Variants in JAKMIP2 observed in about 807,000 individuals in gnomAD.
The protein encoded by JAKMIP2 is janus kinase and microtubule-interacting protein 2.
A neutral mutation model predicts 115.0 loss-of-function variants in JAKMIP2; 25 were observed. The observed-to-expected ratio is 0.22, with a 90% confidence interval of 0.16 to 0.30. The LOEUF (loss-of-function observed/expected upper bound fraction) is 0.30, where lower values mean the gene tolerates loss of function less well. Ranked by LOEUF, JAKMIP2 falls within the 10% of genes least tolerant of loss-of-function variation. The pLI is 1.00. For synonymous variants in JAKMIP2, 334 were observed against 343.6 expected (o/e 0.97, Z 0.31); for missense variants, 642 against 957.6 (o/e 0.67, Z 4.35).
chr5:147,754,234 C>T (rs1754663801), intron 1 of JAKMIP2, among the ~76,000 whole-genome samples: 1 of 152,036 alleles, frequency 6.6e-6, no homozygotes, highest in African/African-American at 2.4e-5. Flanking sequence ...CAAGGAGAAA[C>T]ATTTAAAGCA....
chr5:147,774,939 G>A (rs1244249075), intron 1 of JAKMIP2, among the ~76,000 whole-genome samples: 2 of 152,054 alleles, frequency 1.3e-5, no homozygotes, highest in African/African-American at 4.8e-5. Context: ...AAATAATACC[G>A]AGTGGTTTTC....
intron 1 of JAKMIP2, among the ~76,000 whole-genome samples, chr5:147,691,071 G>A (rs1206581564): frequency 6.6e-6 from 1 of 152,096 alleles, no homozygotes; most frequent in East Asian, 1.9e-4. Flanking sequence ...CAGTCAAAGT[G>A]CTAGCAGATA....
chr5:147,650,883 A>G (rs1758364028), intron 3 of JAKMIP2, among the ~76,000 whole-genome samples: 1 of 152,226 alleles, frequency 6.6e-6, no homozygotes, highest in East Asian at 1.9e-4. Context: ...AAAGATGAAC[A>G]TTAAATATTC....
Position 147,590,646 on chromosome 5 carries a change from C to T in JAKMIP2, c.*1061G>A, listed in dbSNP as rs567911554. On this transcript the variant is annotated 3_prime_UTR_variant, in exon 22 of 22. Transcript: ENST00000616793. ...GGTAGAAATTTACTCATTGATTCTGCTGTGTTTTTGCCCAAATCATATAGC... is the reference window on the plus strand; with the variant it reads ...GGTAGAAATTTACTCATTGATTCTGTTGTGTTTTTGCCCAAATCATATAGC... 6.6e-6 allele frequency: 1 copy of T among 152,108 alleles called. No individual in the cohort carries two copies. Among genetic ancestry groups the T allele is most frequent in the Non-Finnish European group, 1.5e-5 (1 of 68,006 alleles). The allele number at this position is 152,108 out of a possible 1,614,324, so 9.4% of individuals were successfully genotyped here.
At chr5:147,772,578 A>G (rs1165180989) in intron 1 of JAKMIP2, among the ~76,000 whole-genome samples, 1 of 151,880 alleles carries the variant, frequency 6.6e-6, no homozygotes, top group South Asian at 2.1e-4. Context: ...AGATATTTTA[A>G]TATCTCCTGA....
intron 2 of JAKMIP2, among the ~76,000 whole-genome samples, chr5:147,669,970 C>T (rs1382348171): frequency 6.6e-6 from 1 of 152,174 alleles, no homozygotes; most frequent in African/African-American, 2.4e-5. Context: ...TATGGAGAAG[C>T]AGATTCAGTC....
At chr5:147,731,550 T>C (rs1436532293) in intron 1 of JAKMIP2, among the ~76,000 whole-genome samples, 1 of 152,208 alleles carries the variant, frequency 6.6e-6, no homozygotes, top group Non-Finnish European at 1.5e-5. Flanking sequence ...TCTCTTAAAT[T>C]AATGGTCATG....
chr5:147,780,809 A>G (rs999010804), intron 1 of JAKMIP2, among the ~76,000 whole-genome samples: 2 of 152,220 alleles, frequency 1.3e-5, no homozygotes, highest in African/African-American at 4.8e-5. Context: ...ATGCAAGACT[A>G]AAGACCCAAA....
intron 1 of JAKMIP2, among the ~76,000 whole-genome samples, chr5:147,705,739 T>C (rs550447411): frequency 3.9e-5 from 6 of 152,356 alleles, no homozygotes; most frequent in African/African-American, 1.4e-4. Flanking sequence ...AGACTGGTTA[T>C]GCAGTTTGTC....
At chr5:147,632,108 T>C (rs1244841295) in intron 13 of JAKMIP2, among the ~76,000 whole-genome samples, 4 of 152,234 alleles carry the variant, frequency 2.6e-5, no homozygotes, top group Non-Finnish European at 4.4e-5. Flanking sequence ...TTCCATGTTT[T>C]ACTTGCAAAA....
chr5:147,623,643 A>G lies in JAKMIP2; in HGVS notation c.2042T>C (p.Met681Thr). 2 of 1,610,564 alleles carry G rather than the reference A, an allele frequency of 1.2e-6. No homozygotes were observed. Among genetic ancestry groups the G allele is most frequent in the Non-Finnish European group, 1.7e-6 (2 of 1,177,010 alleles). Residue 681 changes from methionine to threonine, a missense_variant, in exon 17 of 22, where the codon ATG becomes ACG. By Grantham distance (81) the Met-to-Thr change is moderately conservative. Transcript: ENST00000616793. Reference protein sequence around the residue: ...EGAEAALHQKMMELESDMEQF... With the variant: ...EGAEAALHQKTMELESDMEQF... ...TACCATGTCACTTTCCAATTCCATC[A>G]TTTTCTGGTGTAGGGCAGCCTCAGC...
intron 1 of JAKMIP2, among the ~76,000 whole-genome samples, chr5:147,687,787 TC>T (rs1760642519): frequency 6.6e-6 from 1 of 152,208 alleles, no homozygotes; most frequent in African/African-American, 2.4e-5. Flanking sequence ...TCTATTGCAA[TC>T]TTTCTACATG....
intron 11 of JAKMIP2, among the ~76,000 whole-genome samples, chr5:147,636,620 T>C (rs754733141): frequency 1.4e-4 from 21 of 152,104 alleles, no homozygotes; most frequent in Non-Finnish European, 2.9e-5. Flanking sequence ...ATGGAAAACA[T>C]TAAAATGCAG....
chr5:147,630,496 A>G (rs906657972), intron 14 of JAKMIP2, among the ~76,000 whole-genome samples: 5 of 152,214 alleles, frequency 3.3e-5, no homozygotes, highest in African/African-American at 1.2e-4. Context: ...CACCAGGACA[A>G]TGGTTTAAGA....
At chr5:147,704,906 T>C (rs530149205) in intron 1 of JAKMIP2, among the ~76,000 whole-genome samples, 1 of 152,250 alleles carries the variant, frequency 6.6e-6, no homozygotes, top group South Asian at 2.1e-4. Context: ...TTCTCAAGGA[T>C]GCAGCATTTT....
chr5:147,617,723 T>C (rs1194173170), intron 19 of JAKMIP2, among the ~76,000 whole-genome samples, 188 bp downstream of exon 19: 1 of 152,236 alleles, frequency 6.6e-6, no homozygotes, highest in South Asian at 2.1e-4. Flanking sequence ...TTTCTCAAGA[T>C]TGAATTATTA....
rs551481381 is a variant in JAKMIP2, at chr5:147,695,729, C to G, written c.-148-23775G>C. ...GAGAAAGAGAGAGAGAACAAGTGAG[C>G]AAATTCAGAAACTTTTCCCCCTCAT... On this transcript the variant is annotated intron_variant, in intron 1 of 21. Transcript: ENST00000616793. Among the ~76,000 whole-genome samples, 7 of 151,206 alleles carry G rather than the reference C, an allele frequency of 4.6e-5. No individual in the cohort carries two copies. In the South Asian group the frequency reaches 1.5e-3, roughly 32 times the overall value.
intron 1 of JAKMIP2, among the ~76,000 whole-genome samples, chr5:147,730,814 C>T (rs1049093720): frequency 3.9e-5 from 6 of 152,076 alleles, no homozygotes; most frequent in South Asian, 2.1e-4. Context: ...TTTCCCTTAC[C>T]GCTGATGTTT....
intron 3 of JAKMIP2, among the ~76,000 whole-genome samples, chr5:147,657,111 C>T (rs1449136866): frequency 2.0e-5 from 3 of 152,082 alleles, no homozygotes; most frequent in African/African-American, 7.2e-5. Context: ...AACCTCATCT[C>T]TACTAAAAAT....
Sources: allele counts gnomAD v4.1 joint callset (sites outside exome capture counted in the v4.1 genomes callset), GRCh38; gene constraint gnomAD v4.1.1; transcripts MANE v1.5; gene names NCBI Gene and HGNC (gene_info 2026-07-23, HGNC 2026-07-21).